GARNL3: variants seen among roughly 807,000 people sequenced by gnomAD.
The protein encoded by GARNL3 is GTPase activating Rap/RanGAP domain like 3.
A neutral mutation model predicts 125.0 loss-of-function variants in GARNL3; 63 were observed. The ratio of observed to expected loss-of-function variants is 0.50; its 90% CI spans 0.41 to 0.62. GARNL3 has a LOEUF of 0.62. GARNL3 is among the 20% of genes least tolerant of loss of function. GARNL3 has a pLI of 0.00. For synonymous variants in GARNL3, 439 were observed against 457.5 expected (o/e 0.96, Z 0.52); for missense variants, 994 against 1,244.0 (o/e 0.80, Z 3.02).
At chr9:127,282,143 T>C (rs774542579) in intron 1 of GARNL3, among the ~76,000 whole-genome samples, 2 of 152,194 alleles carry the variant, frequency 1.3e-5, no homozygotes, top group Non-Finnish European at 2.9e-5. Flanking sequence ...GGATTTGCAG[T>C]CCTCTAGGGC....
intron 17 of GARNL3, among the ~76,000 whole-genome samples, chr9:127,352,515 A>G (rs1830471419): frequency 6.6e-6 from 1 of 152,214 alleles, no homozygotes; most frequent in Admixed American, 6.5e-5. Context: ...GGAAGTACAA[A>G]GACCCTGAGA....
chr9:127,291,437 A>G (rs1195386973), intron 2 of GARNL3, among the ~76,000 whole-genome samples, 195 bp downstream of exon 2: 13 of 152,216 alleles, frequency 8.5e-5, no homozygotes, highest in Admixed American at 7.8e-4. Context: ...TAAAAGATCT[A>G]TGTTAAAACC....
intron 14 of GARNL3, 43 bp downstream of exon 14, chr9:127,342,377 G>C (rs757244166): frequency 6.9e-6 from 9 of 1,309,034 alleles, no homozygotes; most frequent in Admixed American, 1.7e-5. Context: ...TATGGGGTCT[G>C]AGTTGAGAAC....
intron 2 of GARNL3, among the ~76,000 whole-genome samples, chr9:127,249,970 C>A (rs2063371633): frequency 6.6e-6 from 1 of 152,124 alleles, no homozygotes; most frequent in African/African-American, 2.4e-5. Flanking sequence ...GATTGCACCA[C>A]TGGGCTCTAG....
intron 22 of GARNL3, among the ~76,000 whole-genome samples, chr9:127,371,213 C>CG (rs1228674808): frequency 6.6e-6 from 1 of 152,212 alleles, no homozygotes; most frequent in Non-Finnish European, 1.5e-5. Context: ...CGGTGTAGCA[C>CG]GCACGGAATT....
chr9:127,231,040 A>ATT (rs1376359454), intron 1 of GARNL3, among the ~76,000 whole-genome samples: 36 of 46,316 alleles, frequency 7.8e-4, no homozygotes, highest in Non-Finnish European at 1.1e-3. Flanking sequence ...ATATACATAT[A>ATT]TATATATATA....
intron 22 of GARNL3, among the ~76,000 whole-genome samples, chr9:127,382,451 G>GA (rs899696705): frequency 2.6e-4 from 39 of 147,438 alleles, no homozygotes; most frequent in East Asian, 3.9e-4. Context: ...TGTCTCTACT[G>GA]AAAAAAAAAA....
chr9:127,254,768 C>CAA (rs35993565), intron 2 of GARNL3, among the ~76,000 whole-genome samples: 101 of 90,870 alleles, frequency 1.1e-3, no homozygotes, highest in Admixed American at 1.6e-3. Context: ...GATTCTGTCT[C>CAA]AAAAAAAAAA....
At chr9:127,312,528 G>T (rs776083919) in intron 3 of GARNL3, among the ~76,000 whole-genome samples, 1 of 152,060 alleles carries the variant, frequency 6.6e-6, no homozygotes, top group Non-Finnish European at 1.5e-5. Context: ...ATACAGAAAG[G>T]TGGAAAACAG....
At chr9:127,261,791 ATTG>A (rs2063598222), upstream of GARNL3, among the ~76,000 whole-genome samples, 1 of 151,960 alleles carries the variant, frequency 6.6e-6, no homozygotes, top group Non-Finnish European at 1.5e-5. Context: ...CAGAGCTGTT[ATTG>A]TTCGGGATCC....
At chr9:127,300,639 G>A (rs1193011915) in intron 2 of GARNL3, 1 of 300,832 alleles carries the variant, frequency 3.3e-6, no homozygotes, top group Non-Finnish European at 6.4e-6. Context: ...ATTGTTAGTA[G>A]AGATAGGGTT....
At chr9:127,314,868 A>G (rs2065195627) in intron 4 of GARNL3, among the ~76,000 whole-genome samples, 1 of 152,220 alleles carries the variant, frequency 6.6e-6, no homozygotes, top group South Asian at 2.1e-4. Flanking sequence ...AAGCCTCCTG[A>G]GGCGGCGCCC....
At chr9:127,313,219 T>C (rs916848568) in intron 3 of GARNL3, 2 of 526,388 alleles carry the variant, frequency 3.8e-6, no homozygotes, top group African/African-American at 3.8e-5. Context: ...TCCAGTCTCA[T>C]TGGCCAGAAT....
chr9:127,270,537 C>T (rs1039873180), intron 1 of GARNL3, among the ~76,000 whole-genome samples: 7 of 152,160 alleles, frequency 4.6e-5, no homozygotes, highest in Non-Finnish European at 1.0e-4. Context: ...AGGACCCCTG[C>T]GCTTACTAGT....
At chr9:127,260,693 A>T (rs533673495), upstream of GARNL3, among the ~76,000 whole-genome samples, 1 of 152,206 alleles carries the variant, frequency 6.6e-6, no homozygotes, top group Non-Finnish European at 1.5e-5. Flanking sequence ...CTATGCTCCA[A>T]TAAAACTTTG....
chr9:127,366,715 A>G (rs577880990), intron 22 of GARNL3: 1 of 152,360 alleles, frequency 6.6e-6, no homozygotes, highest in East Asian at 1.9e-4. Flanking sequence ...AATTAATCCC[A>G]AAGAAAAAGA....
intron 17 of GARNL3, 157 bp from the exon 18 acceptor site, chr9:127,353,689 T>C (rs1830528813): frequency 1.5e-6 from 1 of 679,484 alleles, no homozygotes; most frequent in East Asian, 2.7e-5. Flanking sequence ...AGAATAGTGC[T>C]TGAATGTATT....
chr9:127,318,608 G>T (rs143668836), intron 5 of GARNL3, among the ~76,000 whole-genome samples: 2 of 152,286 alleles, frequency 1.3e-5, no homozygotes, highest in East Asian at 3.9e-4. Flanking sequence ...CAGACAGAAC[G>T]TTAAATGGAT....
At chr9:127,366,802 C>T (rs952189264) in intron 22 of GARNL3, 2 of 152,268 alleles carry the variant, frequency 1.3e-5, no homozygotes, top group African/African-American at 4.8e-5. Context: ...CCGGGCTCCT[C>T]ACTCAGCGGC....
Sources: gnomAD v4.1 joint callset for allele counts (sites outside exome capture counted in the v4.1 genomes callset) on GRCh38, gnomAD v4.1.1 for gene constraint, MANE v1.5 for transcripts, NCBI Gene and HGNC (gene_info 2026-07-23, HGNC 2026-07-21) for gene names.